The following ANKRD11 variants were observed in gnomAD, a reference collection of about 807,000 sequenced individuals.
ANKRD11 encodes ankyrin repeat domain 11, also known as ankyrin repeat domain-containing protein 11.
Under a neutral mutation model 195.7 loss-of-function variants are expected in ANKRD11, and 17 were observed. That is an observed-to-expected ratio of 0.09 (90% CI 0.06 to 0.13). The LOEUF (loss-of-function observed/expected upper bound fraction) is 0.13, where lower values mean the gene tolerates loss of function less well. Ranked by LOEUF, ANKRD11 falls within the 10% of genes least tolerant of loss-of-function variation. The pLI, the probability that ANKRD11 is intolerant of heterozygous loss-of-function variation, is 1.00. For missense variants in ANKRD11, 3,735 were observed against 3,566.1 expected (o/e 1.05, Z -1.21); for synonymous variants, 1,953 against 1,528.1 (o/e 1.28, Z -6.49).
intron 1 of ANKRD11, among the ~76,000 whole-genome samples, chr16:89,425,023 C>T (rs1240279969): frequency 1.3e-5 from 2 of 150,956 alleles, no homozygotes; most frequent in Non-Finnish European, 2.9e-5. Context: ...GGAGACTGGC[C>T]GAAGTGTACA....
At chr16:89,336,512 G>C (rs1273956861) in intron 2 of ANKRD11, among the ~76,000 whole-genome samples, 1 of 152,212 alleles carries the variant, frequency 6.6e-6, no homozygotes, top group Non-Finnish European at 1.5e-5. Flanking sequence ...ACATTGCCCA[G>C]ATTTCTCACA....
chr16:89,441,671 G>A (rs934942936), intron 1 of ANKRD11, among the ~76,000 whole-genome samples: 1 of 146,462 alleles, frequency 6.8e-6, no homozygotes, highest in East Asian at 2.1e-4. Flanking sequence ...GGAGGCTGAG[G>A]CAGGAGAATG....
At chr16:89,278,885 A>AAC (rs1296603110) in intron 9 of ANKRD11, 187 bp downstream of exon 9, 6 of 998,904 alleles carry the variant, frequency 6.0e-6, no homozygotes, top group African/African-American at 4.8e-5. Flanking sequence ...GGGTCTGCAG[A>AAC]ACAGCTGGGC....
At chr16:89,482,408 A>G (rs1015356346) in intron 1 of ANKRD11, among the ~76,000 whole-genome samples, 7 of 152,232 alleles carry the variant, frequency 4.6e-5, no homozygotes, top group African/African-American at 1.7e-4. Flanking sequence ...AAATGGTTGC[A>G]GACGAGATTA....
At chr16:89,320,916 G>C (rs928930461) in intron 2 of ANKRD11, among the ~76,000 whole-genome samples, 1 of 152,232 alleles carries the variant, frequency 6.6e-6, no homozygotes, top group East Asian at 1.9e-4. Flanking sequence ...CTTCTACGGG[G>C]CTGGCAGGAC....
At chr16:89,319,461 G>T (rs943685080) in intron 2 of ANKRD11, among the ~76,000 whole-genome samples, 8 of 152,226 alleles carry the variant, frequency 5.3e-5, no homozygotes, top group African/African-American at 1.9e-4. Context: ...GTTGTCCCAG[G>T]TGTACGCTGT....
At position 89,441,505 on chromosome 16, in the gene ANKRD11, C is replaced by T. The variant is rs189770688; in HGVS notation, c.-144-23137G>A. Among the ~76,000 whole-genome samples the T allele has an allele frequency of 3.8e-3, 577 of 152,046 alleles. 4 individuals are homozygous for T. Among genetic ancestry groups the T allele is most frequent in the African/African-American group, 0.012 (517 of 41,484 alleles). On this transcript the variant is annotated intron_variant, in intron 1 of 12. Coordinates refer to ENST00000301030, the MANE Select transcript of ANKRD11 (RefSeq NM_013275.6). ...AAACCTGGCCGGGCGCGGTGGCTCA[C>T]GCCTGTAATCCCAGCACTTTGGGAG...
rs2965957 is a variant in ANKRD11 at position 89,464,374 on chromosome 16, C to T, written c.-145+25871G>A. ...CTGTAATCCCAGCACTTTGGGAGGC[C>T]GAGGCAGGCAGATCACGAGGTCAGG... On this transcript the variant is annotated intron_variant, in intron 1 of 12. Coordinates refer to ENST00000301030, the MANE Select transcript of ANKRD11 (RefSeq NM_013275.6). Among the ~76,000 whole-genome samples, 662 of 150,568 alleles carry T rather than the reference C, an allele frequency of 4.4e-3. 7 individuals carry two copies. Among genetic ancestry groups the T allele is most frequent in the African/African-American group, 0.015 (620 of 41,026 alleles).
In ANKRD11 at chr16:89,284,148, A is replaced by T; in HGVS notation, c.2394T>A (p.Asp798Glu). Residue 798 changes from aspartate (D) to glutamate (E), a missense_variant, in exon 9 of 13, where the codon GAT (aspartate) becomes GAA (glutamate). Physicochemically the swap from Asp to Glu is conservative, Grantham distance 45. Coordinates refer to ENST00000301030, the MANE Select transcript of ANKRD11 (RefSeq NM_013275.6). ...SKEKEKIFKE[D>E]KEKLKKEKVY... ...CCTTTTCTTTTTTGAGTTTTTCTTT[A>T]TCTTCTTTAAAAATCTTCTCCTTCT... 6.2e-7 allele frequency: 1 copy of T among 1,605,166 alleles called. No homozygotes were observed. The highest frequency in any genetic ancestry group is 8.5e-7 in the Non-Finnish European group (1 of 1,177,428).
intron 2 of ANKRD11, among the ~76,000 whole-genome samples, chr16:89,417,747 A>G (rs1195912184): frequency 1.3e-5 from 2 of 152,042 alleles, no homozygotes; most frequent in African/African-American, 4.8e-5. Context: ...AGGATACAGA[A>G]TCCTCATCCA....
chr16:89,372,903 C>T (rs1241512150), intron 2 of ANKRD11: 3 of 152,230 alleles, frequency 2.0e-5, no homozygotes, highest in Non-Finnish European at 2.9e-5. Context: ...CGGAAGCTCC[C>T]GGGTGACCCA....
At chr16:89,306,078 T>C (rs1301930447) in intron 3 of ANKRD11, among the ~76,000 whole-genome samples, 7 of 31,682 alleles carry the variant, frequency 2.2e-4, no homozygotes, top group Admixed American at 1.1e-3. Context: ...ACACGCGCCA[T>C]CTACCTCCCA....
rs1258386098 is a variant in ANKRD11, at chr16:89,291,334, G to A, written c.227-151C>T. On this transcript the variant is annotated intron_variant, in intron 4 of 12. Coordinates refer to ENST00000301030, the MANE Select transcript of ANKRD11 (RefSeq NM_013275.6). The surrounding 1 kb of genome is among the most constrained non-coding windows in gnomAD (Gnocchi z 5.3). ...GGTCTGTGTATGGGGAAAGCACAGC[G>A]GTGCTGGGAGCATTGGTGCCGCCCA... The A allele has an allele frequency of 1.9e-5, 20 of 1,026,158 alleles. No individual in the cohort carries two copies. The highest frequency in any genetic ancestry group is 2.7e-5 in the Non-Finnish European group (19 of 694,640). 63.6% of individuals were successfully genotyped at this position (1,026,158 alleles called of 1,614,324 possible). A position where few individuals can be genotyped will look rare whatever the true frequency, so the allele number is the denominator to read the frequency against.
Position 89,291,946 on chromosome 16 carries a change from C to T in ANKRD11, c.227-763G>A. The T allele has an allele frequency of 2.4e-6, 1 of 419,954 alleles. No homozygotes were observed. Among genetic ancestry groups the T allele is most frequent in the Middle Eastern group, 8.3e-4 (1 of 1,212 alleles). The allele number at this position is 419,954 out of a possible 1,614,324, so 26.0% of individuals were successfully genotyped here. A position where few individuals can be genotyped will look rare whatever the true frequency, so the allele number is the denominator to read the frequency against. On this transcript the variant is annotated intron_variant, in intron 4 of 12. Transcript: ENST00000301030. The surrounding 1 kb of genome is among the most constrained non-coding windows in gnomAD (Gnocchi z 5.3). ...TGTGTCTTTTAAAAGAGGCAGGAGG[C>T]AGGGGCGGGGAAGAGAAGACCCCAA... is the stretch of plus-strand genomic sequence containing the variant.
At chr16:89,352,326 A>C (rs551695846) in intron 2 of ANKRD11, among the ~76,000 whole-genome samples, 16 of 151,936 alleles carry the variant, frequency 1.1e-4, no homozygotes, top group African/African-American at 3.4e-4. Flanking sequence ...CCCTGGGGGA[A>C]GGCAAGTCAA....
chr16:89,280,770 G>C lies in ANKRD11; in HGVS notation c.5772C>G (p.Ile1924Met). 1 of 1,612,376 alleles carries C rather than the reference G, an allele frequency of 6.2e-7. No individual in the cohort carries two copies. The highest frequency in any genetic ancestry group is 8.5e-7 in the Non-Finnish European group (1 of 1,178,938). ...SEDQQATAAI[I>M]PPEPSYLEPL... Reference sequence around the variant, plus strand: ...GCTCCAGGTAGCTGGGCTCCGGGGGGATGATGGCGGCCGTCGCCTGCTGGT... The same window carrying C: ...GCTCCAGGTAGCTGGGCTCCGGGGGCATGATGGCGGCCGTCGCCTGCTGGT... The change falls in exon 9 of 13, where the codon ATC (isoleucine) becomes ATG (methionine). Residue 1924 changes from isoleucine to methionine, a missense_variant. Ile to Met is a conservative substitution (Grantham distance 10, BLOSUM62 1). Transcript: ENST00000301030.
chr16:89,290,854 G>C, intron 5 of ANKRD11, 26 bp from the exon 6 acceptor site: 1 of 1,612,358 alleles, frequency 6.2e-7, no homozygotes, highest in Non-Finnish European at 8.5e-7. Context: ...GGGACAGATG[G>C]GCATTACTGT....
intron 1 of ANKRD11, among the ~76,000 whole-genome samples, chr16:89,463,038 G>A (rs1311739682): frequency 1.0e-4 from 14 of 134,182 alleles, no homozygotes; most frequent in East Asian, 2.4e-4. Context: ...CGCCCCATCC[G>A]GGAGGGAGGT....
chr16:89,486,860 T>C (rs910451647), intron 1 of ANKRD11, among the ~76,000 whole-genome samples: 2 of 151,766 alleles, frequency 1.3e-5, no homozygotes, highest in African/African-American at 4.8e-5. Context: ...TAAAAAAAAA[T>C]TAGCCGTGTT....
Sources: allele counts gnomAD v4.1 joint callset (sites outside exome capture counted in the v4.1 genomes callset), GRCh38; gene constraint gnomAD v4.1.1; non-coding constraint Gnocchi (gnomAD v3.1); transcripts MANE v1.5; gene names NCBI Gene and HGNC (gene_info 2026-07-23, HGNC 2026-07-21).